TUBE1: variants seen among roughly 807,000 people sequenced by gnomAD.
TUBE1 encodes tubulin epsilon 1.
Under a neutral mutation model 53.5 loss-of-function variants are expected in TUBE1, and 34 were observed. The observed-to-expected ratio is 0.64, with a 90% CI of 0.48 to 0.85. TUBE1 has a LOEUF of 0.85. Among genes scored for constraint, TUBE1 ranks in the 40% least tolerant of loss-of-function variants. TUBE1 has a pLI of 0.00. For missense variants in TUBE1, 532 were observed against 570.5 expected (o/e 0.93, Z 0.69); for synonymous variants, 177 against 198.4 (o/e 0.89, Z 0.91).
At chr6:112,075,839 C>G in intron 8 of TUBE1, 98 bp downstream of exon 8, 5 of 1,123,666 alleles carry the variant, frequency 4.4e-6, no homozygotes, top group Admixed American at 2.5e-5. Flanking sequence ...ACAGAAGCAG[C>G]TTCTACAATT....
chr6:112,072,174 G>A, intron 10 of TUBE1, 98 bp from the exon 11 acceptor site: 1 of 855,868 alleles, frequency 1.2e-6, no homozygotes, highest in Non-Finnish European at 1.8e-6. Context: ...AGAACATTAT[G>A]GATGGTATCA....
chr6:112,086,613 A>C lies in TUBE1; in HGVS notation c.100-5T>G, dbSNP rs1554317365. 5 of 1,600,222 alleles carry C rather than the reference A, an allele frequency of 3.1e-6. No individual in the cohort carries two copies. The highest frequency in any genetic ancestry group is 4.3e-6 in the Non-Finnish European group (5 of 1,168,630). ...TGCCTCATCATAAATTCCTTTCTAA[A>C]AAGAAAAACATATGTTAATAGCATT... is the stretch of plus-strand genomic sequence containing the variant. On this transcript the variant is annotated splice_polypyrimidine_tract_variant and splice_region_variant and intron_variant, in intron 2 of 11. Transcript: ENST00000368662.
chr6:112,072,967 G>A (rs1776895539), intron 9 of TUBE1, 69 bp from the exon 10 acceptor site: 4 of 1,487,212 alleles, frequency 2.7e-6, no homozygotes, highest in Non-Finnish European at 3.7e-6. Flanking sequence ...ATAAAATGAA[G>A]ATAGTCCTCT....
intron 4 of TUBE1, among the ~76,000 whole-genome samples, chr6:112,082,322 G>A (rs1174009122): frequency 6.6e-6 from 1 of 152,134 alleles, no homozygotes; most frequent in African/African-American, 2.4e-5. Context: ...CTCAAATGCT[G>A]ACTTTAACAC....
chr6:112,071,680 A>G, intron 11 of TUBE1, 110 bp from the exon 12 acceptor site: 1 of 1,035,520 alleles, frequency 9.7e-7, no homozygotes, highest in East Asian at 2.6e-5. Context: ...TCAGCTCTAC[A>G]TTTGAAAGAG....
At chr6:112,078,644 T>C (rs1316060163) in intron 6 of TUBE1, 8 of 152,072 alleles carry the variant, frequency 5.3e-5, no homozygotes, top group Admixed American at 5.2e-4. Flanking sequence ...TTTAAGTGAA[T>C]TGTAAGTATG....
intron 10 of TUBE1, 151 bp from the exon 11 acceptor site, chr6:112,072,227 T>TA (rs1554315464): frequency 7.0e-6 from 4 of 572,700 alleles, no homozygotes; most frequent in Non-Finnish European, 1.2e-5. Context: ...TATTTTTTAC[T>TA]ATTGGCAGTA....
chr6:112,080,659 G>T (rs587744857), intron 5 of TUBE1, among the ~76,000 whole-genome samples: 2 of 152,148 alleles, frequency 1.3e-5, no homozygotes, highest in Admixed American at 6.5e-5. Flanking sequence ...GTAAAGAGAA[G>T]AGACCATTAT....
At chr6:112,076,583 T>C (rs1776975099) in intron 6 of TUBE1, 74 bp from the exon 7 acceptor site, 3 of 1,370,224 alleles carry the variant, frequency 2.2e-6, no homozygotes. Context: ...GAAACTTTAT[T>C]TTTTTTGAGA....
At chr6:112,087,037 G>C in intron 2 of TUBE1, 196 bp downstream of exon 2, 1 of 593,426 alleles carries the variant, frequency 1.7e-6, no homozygotes, top group Non-Finnish European at 3.0e-6. Context: ...AAAACGTTAA[G>C]ACTAAGGTCG....
intron 6 of TUBE1, chr6:112,079,390 T>C (rs587716993): frequency 6.3e-6 from 2 of 316,152 alleles, no homozygotes; most frequent in South Asian, 2.5e-4. Context: ...TTTTCCAGTA[T>C]AGTTCTGTTG....
chr6:112,080,316 C>G (rs1414179653), intron 5 of TUBE1, among the ~76,000 whole-genome samples: 1 of 151,996 alleles, frequency 6.6e-6, no homozygotes, highest in Admixed American at 6.5e-5. Context: ...GCAAATATCA[C>G]TATGATGAAT....
intron 3 of TUBE1, chr6:112,085,649 T>G: frequency 2.1e-6 from 1 of 471,174 alleles, no homozygotes; most frequent in Non-Finnish European, 4.4e-6. Context: ...TAAATATAAA[T>G]GATACCAGCC....
At chr6:112,073,699 G>A (rs1190419946) in intron 9 of TUBE1, among the ~76,000 whole-genome samples, 1 of 152,124 alleles carries the variant, frequency 6.6e-6, no homozygotes, top group Non-Finnish European at 1.5e-5. Flanking sequence ...CATTCCTGAA[G>A]TATAGAATTA....
chr6:112,081,111 A>AAAT lies in TUBE1; in HGVS notation c.304_306dup (p.Ile102dup). On this transcript the variant is annotated inframe_insertion, in exon 5 of 12. Coordinates refer to ENST00000368662, the MANE Select transcript of TUBE1 (RefSeq NM_016262.5). ...TCTCACCAATTATTTCCTGAGCCAG[A>AAAT]AATATCAGTGATGAGCTGTTTCGTA... 4 of 1,601,974 alleles carry AAAT rather than the reference A, an allele frequency of 2.5e-6. No homozygotes were observed. The highest frequency in any genetic ancestry group is 3.4e-6 in the Non-Finnish European group (4 of 1,173,298).
intron 5 of TUBE1, among the ~76,000 whole-genome samples, chr6:112,080,147 G>A (rs1295869260): frequency 6.6e-6 from 1 of 151,760 alleles, no homozygotes; most frequent in Non-Finnish European, 1.5e-5. Flanking sequence ...AGCAAAATGT[G>A]GTAAACTACA....
chr6:112,079,978 GT>G (rs1777044854), intron 5 of TUBE1, among the ~76,000 whole-genome samples: 2 of 151,432 alleles, frequency 1.3e-5, no homozygotes, highest in Non-Finnish European at 1.5e-5. Context: ...ATCTGGATAA[GT>G]AAGCTCATTA....
intron 5 of TUBE1, among the ~76,000 whole-genome samples, chr6:112,080,352 T>C (rs1265226859): frequency 6.6e-6 from 1 of 152,086 alleles, no homozygotes; most frequent in Non-Finnish European, 1.5e-5. Flanking sequence ...TCCCATAATA[T>C]GCATTTCAGG....
chr6:112,070,787 T>C lies in TUBE1; in HGVS notation c.*625A>G, dbSNP rs1264225121. ...TAACAAGTAGCACTGTTGAAAAATA[T>C]AGACATTTATTATAAAATCAATTGG... On this transcript the variant is annotated 3_prime_UTR_variant, in exon 12 of 12. Coordinates refer to ENST00000368662, the MANE Select transcript of TUBE1 (RefSeq NM_016262.5). 3 of 152,286 alleles carry C rather than the reference T, an allele frequency of 2.0e-5. No homozygotes were observed. The highest frequency in any genetic ancestry group is 2.9e-5 in the Non-Finnish European group (2 of 67,988). The allele number at this position is 152,286 out of a possible 1,614,324, so 9.4% of individuals were successfully genotyped here.
Sources: gnomAD v4.1 joint callset for allele counts (sites outside exome capture counted in the v4.1 genomes callset) on GRCh38, gnomAD v4.1.1 for gene constraint, MANE v1.5 for transcripts, NCBI Gene and HGNC (gene_info 2026-07-23, HGNC 2026-07-21) for gene names.